The following CDH13 variants were observed in gnomAD, a reference collection of about 807,000 sequenced individuals.
CDH13 encodes the protein cadherin-13.
Under a neutral mutation model 63.8 loss-of-function variants are expected in CDH13, and 24 were observed. The ratio of observed to expected loss-of-function variants is 0.38; its 90% CI spans 0.27 to 0.53. The LOEUF (loss-of-function observed/expected upper bound fraction) is 0.53. Among genes scored for constraint, CDH13 ranks in the 20% least tolerant of loss-of-function variants. CDH13 has a pLI of 0.85. For missense variants in CDH13, 1,049 were observed against 903.1 expected, an observed-to-expected ratio of 1.16 and a Z score of -2.07; for synonymous variants, 503 against 355.3, an observed-to-expected ratio of 1.42 and a Z score of -4.67.
intron 1 of CDH13, among the ~76,000 whole-genome samples, chr16:82,835,796 C>T (rs894816073): frequency 2.0e-5 from 3 of 152,166 alleles, no homozygotes; most frequent in African/African-American, 4.8e-5. Flanking sequence ...TGTTTGCCTC[C>T]AGCAAACCAA....
intron 5 of CDH13, among the ~76,000 whole-genome samples, chr16:83,218,592 G>T (rs930250203): frequency 6.6e-6 from 1 of 152,184 alleles, no homozygotes; most frequent in Admixed American, 6.5e-5. Context: ...GGAACAACCA[G>T]CAGCAGACTA....
At chr16:83,700,644 T>A (rs1455907320) in intron 10 of CDH13, among the ~76,000 whole-genome samples, 1 of 152,230 alleles carries the variant, frequency 6.6e-6, no homozygotes, top group Non-Finnish European at 1.5e-5. Flanking sequence ...TATTTCCTTT[T>A]TTTACACATT....
chr16:82,709,150 C>G (rs1055381486), intron 1 of CDH13, among the ~76,000 whole-genome samples: 1 of 152,140 alleles, frequency 6.6e-6, no homozygotes, highest in African/African-American at 2.4e-5. Flanking sequence ...CAGTTTTCCA[C>G]GAATGAAGAT....
intron 3 of CDH13, among the ~76,000 whole-genome samples, chr16:83,111,138 C>T (rs980877156): frequency 3.5e-4 from 53 of 151,420 alleles, no homozygotes; most frequent in African/African-American, 1.2e-3. Flanking sequence ...CGCCACTGCA[C>T]TCCAGCCTGG....
At chr16:83,761,846 C>T (rs1913994777) in intron 11 of CDH13, among the ~76,000 whole-genome samples, 1 of 152,156 alleles carries the variant, frequency 6.6e-6, no homozygotes, top group African/African-American at 2.4e-5. Context: ...GCAGGTGGGT[C>T]ACTTAAGGTC....
At chr16:82,753,713 A>G (rs2034508172) in intron 1 of CDH13, among the ~76,000 whole-genome samples, 1 of 152,196 alleles carries the variant, frequency 6.6e-6, no homozygotes, top group Non-Finnish European at 1.5e-5. Context: ...CTCATCTCAG[A>G]GTTTTGCCAT....
chr16:83,420,680 A>T (rs1385913817), intron 6 of CDH13, among the ~76,000 whole-genome samples: 1 of 152,232 alleles, frequency 6.6e-6, no homozygotes, highest in East Asian at 1.9e-4. Flanking sequence ...ACGTGATTAC[A>T]AGGTAAAGTC....
At chr16:83,268,879 C>T (rs905015622) in intron 5 of CDH13, among the ~76,000 whole-genome samples, 5 of 152,014 alleles carry the variant, frequency 3.3e-5, no homozygotes, top group Admixed American at 6.6e-5. Flanking sequence ...TTAGGTTCTA[C>T]CTGGCATTCT....
intron 7 of CDH13, among the ~76,000 whole-genome samples, chr16:83,517,771 A>G (rs773774213): frequency 6.6e-6 from 1 of 152,210 alleles, no homozygotes; most frequent in Non-Finnish European, 1.5e-5. Context: ...ATGATTAGGA[A>G]CAAAGTGAGA....
intron 4 of CDH13, among the ~76,000 whole-genome samples, chr16:83,142,978 C>T (rs1051968674): frequency 1.3e-5 from 2 of 152,200 alleles, no homozygotes; most frequent in Non-Finnish European, 2.9e-5. Flanking sequence ...TGGCACATGC[C>T]TGTCATCCCA....
chr16:83,669,773 C>T (rs1431677770), intron 8 of CDH13, among the ~76,000 whole-genome samples: 1 of 152,200 alleles, frequency 6.6e-6, no homozygotes, highest in East Asian at 1.9e-4. Flanking sequence ...TTTTTGATAT[C>T]ACCTTACTGT....
chr16:83,001,811 G>A (rs1466804711), intron 2 of CDH13, among the ~76,000 whole-genome samples: 2 of 152,206 alleles, frequency 1.3e-5, no homozygotes. Context: ...ACACATGTTG[G>A]AGAAGATCAC....
chr16:83,655,692 G>A (rs1281528412), intron 8 of CDH13, among the ~76,000 whole-genome samples: 1 of 152,234 alleles, frequency 6.6e-6, no homozygotes, highest in African/African-American at 2.4e-5. Flanking sequence ...AGCTCCATGA[G>A]GGCAGGAATG....
intron 6 of CDH13, among the ~76,000 whole-genome samples, chr16:83,361,393 T>A (rs2091158314): frequency 6.6e-6 from 1 of 152,220 alleles, no homozygotes; most frequent in Non-Finnish European, 1.5e-5. Context: ...GTCCATTTAC[T>A]CTGTTGATAG....
At chr16:82,650,748 C>T (rs944191844) in intron 1 of CDH13, among the ~76,000 whole-genome samples, 1 of 152,204 alleles carries the variant, frequency 6.6e-6, no homozygotes, top group Admixed American at 6.5e-5. Flanking sequence ...GAAGCATTCT[C>T]TCTGAGGCTG....
intron 4 of CDH13, among the ~76,000 whole-genome samples, chr16:83,130,803 G>A (rs373889293): frequency 1.1e-4 from 17 of 152,254 alleles, no homozygotes; most frequent in African/African-American, 3.6e-4. Context: ...ACTGGTTCTT[G>A]ATTTTTTTGG....
chr16:82,960,997 C>T (rs12932892), intron 2 of CDH13, among the ~76,000 whole-genome samples: 24,516 of 152,138 alleles, frequency 0.16, 2,047 homozygotes, highest in Middle Eastern at 0.21. Context: ...TTGGGTTCTG[C>T]CTTGGCAACG....
chr16:82,819,376 C>G (rs1251619343), intron 1 of CDH13, among the ~76,000 whole-genome samples: 1 of 152,142 alleles, frequency 6.6e-6, no homozygotes, highest in Non-Finnish European at 1.5e-5. Flanking sequence ...CTCAAATTAA[C>G]AAATGCTGGA....
At chr16:83,208,262 G>T (rs1371903955) in intron 4 of CDH13, among the ~76,000 whole-genome samples, 5 of 152,158 alleles carry the variant, frequency 3.3e-5, no homozygotes, top group African/African-American at 7.2e-5. Context: ...TGACCTAGAG[G>T]TTGAACATGG....
Sources: gnomAD v4.1 joint callset for allele counts (sites outside exome capture counted in the v4.1 genomes callset) on GRCh38, gnomAD v4.1.1 for gene constraint, MANE v1.5 for transcripts, NCBI Gene and HGNC (gene_info 2026-07-23, HGNC 2026-07-21) for gene names.